CAPZA1: variants seen among roughly 807,000 people sequenced by gnomAD.
CAPZA1 encodes F-actin-capping protein subunit alpha-1.
A neutral mutation model predicts 40.8 loss-of-function variants in CAPZA1; 10 were observed. The ratio of observed to expected loss-of-function variants is 0.25; its 90% CI spans 0.15 to 0.42. CAPZA1 has a LOEUF of 0.42. Among genes scored for constraint, CAPZA1 ranks in the 10% least tolerant of loss-of-function variants. CAPZA1 has a pLI of 1.00. For missense variants in CAPZA1, 277 were observed against 353.8 expected (o/e 0.78, Z 1.74); for synonymous variants, 98 against 115.0 (o/e 0.85, Z 0.95).
rs60802838 is a variant in CAPZA1, at chr1:112,644,184, C to CTTTTTTTTTTT, written c.40-3012_40-3002dup. ...TTTTTTTCTAATTCTCTTCTCCCAG[C>CTTTTTTTTTTT]TTTTTTTTTTTTTTTTTTTTTTTTG... On this transcript the variant is annotated intron_variant, in intron 1 of 9. Transcript: ENST00000263168. Among the ~76,000 whole-genome samples the CTTTTTTTTTTT allele has an allele frequency of 7.0e-4, 40 of 56,782 alleles. 4 individuals carry two copies. Among genetic ancestry groups the CTTTTTTTTTTT allele is most frequent in the African/African-American group, 1.7e-3 (22 of 12,650 alleles). 37.3% of individuals were successfully genotyped at this position (56,782 alleles called of 152,430 possible).
intron 1 of CAPZA1, among the ~76,000 whole-genome samples, chr1:112,621,794 C>A (rs1343807469): frequency 7.4e-6 from 1 of 135,988 alleles, no homozygotes; most frequent in Non-Finnish European, 1.5e-5. Context: ...TGGAGTCTCG[C>A]TCTGTCACCC....
At chr1:112,642,742 C>T (rs996152342) in intron 1 of CAPZA1, among the ~76,000 whole-genome samples, 3 of 152,088 alleles carry the variant, frequency 2.0e-5, no homozygotes, top group Non-Finnish European at 2.9e-5. Flanking sequence ...CATCTTCTAT[C>T]GAAACAAACT....
Position 112,662,690 on chromosome 1 carries a change from G to A in CAPZA1, c.585+2911G>A, listed in dbSNP as rs201683286. On this transcript the variant is annotated intron_variant, in intron 7 of 9. Transcript: ENST00000263168. Reference sequence around the variant, plus strand: ...TGGGATTACAGGCGTGAGCCACTGCGCCTGGCCCTAGAATTTTTCATTGAG... The same window carrying A: ...TGGGATTACAGGCGTGAGCCACTGCACCTGGCCCTAGAATTTTTCATTGAG... Among the ~76,000 whole-genome samples, 100 of 151,084 alleles carry A rather than the reference G, an allele frequency of 6.6e-4. No homozygotes were observed. In the East Asian group the frequency reaches 0.014, roughly 21 times the overall value.
At chr1:112,638,747 C>T (rs1162408249) in intron 1 of CAPZA1, among the ~76,000 whole-genome samples, 1 of 151,430 alleles carries the variant, frequency 6.6e-6, no homozygotes, top group Admixed American at 6.6e-5. Context: ...CCAGCCTGGC[C>T]AACATGGTGA....
At chr1:112,626,516 C>G (rs1316688062) in intron 1 of CAPZA1, among the ~76,000 whole-genome samples, 1 of 151,960 alleles carries the variant, frequency 6.6e-6, no homozygotes, top group African/African-American at 2.4e-5. Flanking sequence ...CACCCAGTTT[C>G]CCTGACAAGT....
At chr1:112,653,717 T>C (rs1471706079) in intron 4 of CAPZA1, 56 bp downstream of exon 4, 26 of 1,195,274 alleles carry the variant, frequency 2.2e-5, no homozygotes, top group Non-Finnish European at 3.0e-5. Flanking sequence ...ATCCTATTAA[T>C]GGAAACCAAA....
chr1:112,636,299 A>G (rs777014078), intron 1 of CAPZA1, among the ~76,000 whole-genome samples: 16 of 152,222 alleles, frequency 1.1e-4, no homozygotes, highest in Non-Finnish European at 1.2e-4. Flanking sequence ...GAATCTTGCA[A>G]GGATTGGTTT....
chr1:112,664,218 G>A lies in CAPZA1; in HGVS notation c.586-2856G>A, dbSNP rs112450110. On this transcript the variant is annotated intron_variant, in intron 7 of 9. Transcript: ENST00000263168. ...TGTGCTCCAGCTTGGGCGACAGAGC[G>A]TGACACTGTCTCAAAAAAAAAAAAA... Among the ~76,000 whole-genome samples, 308 of 142,366 alleles carry A rather than the reference G, an allele frequency of 2.2e-3. 2 individuals are homozygous for A. Among genetic ancestry groups the A allele is most frequent in the African/African-American group, 6.9e-3 (259 of 37,418 alleles). 93.4% of individuals were successfully genotyped at this position (142,366 alleles called of 152,430 possible).
chr1:112,669,731 G>A, intron 9 of CAPZA1, 126 bp downstream of exon 9: 1 of 804,958 alleles, frequency 1.2e-6, no homozygotes, highest in Non-Finnish European at 2.0e-6. Flanking sequence ...AAATGTGGGA[G>A]ACTTTGCAGA....
At chr1:112,645,162 C>CT (rs763686991) in intron 1 of CAPZA1, among the ~76,000 whole-genome samples, 1 of 152,234 alleles carries the variant, frequency 6.6e-6, no homozygotes, top group Non-Finnish European at 1.5e-5. Flanking sequence ...CAAATCTACT[C>CT]TTTCCCTCCC....
intron 7 of CAPZA1, among the ~76,000 whole-genome samples, chr1:112,665,343 AT>A (rs1175446250): frequency 2.0e-5 from 3 of 151,176 alleles, no homozygotes; most frequent in African/African-American, 4.9e-5. Flanking sequence ...CACCTGGCTA[AT>A]TTTTTTTGTA....
chr1:112,653,557 CTTTT>C, intron 3 of CAPZA1, 37 bp from the exon 4 acceptor site: 6 of 817,124 alleles, frequency 7.3e-6, no homozygotes, highest in South Asian at 1.8e-5. Flanking sequence ...CTCTCTCCCT[CTTTT>C]TTTTTTTTTT....
intron 1 of CAPZA1, among the ~76,000 whole-genome samples, chr1:112,636,044 T>A (rs1048876058): frequency 6.6e-6 from 1 of 152,098 alleles, no homozygotes; most frequent in African/African-American, 2.4e-5. Flanking sequence ...AAATAAAAAA[T>A]AAAAGCTAGT....
chr1:112,666,904 T>C (rs1671733961), intron 7 of CAPZA1, 170 bp from the exon 8 acceptor site: 1 of 562,746 alleles, frequency 1.8e-6, no homozygotes, highest in East Asian at 3.0e-5. Flanking sequence ...AAGTGTTCTG[T>C]GGATTAATTA....
intron 1 of CAPZA1, among the ~76,000 whole-genome samples, chr1:112,628,977 T>C (rs1670868319): frequency 6.6e-6 from 1 of 152,226 alleles, no homozygotes; most frequent in Non-Finnish European, 1.5e-5. Context: ...CTATTTTTTA[T>C]GGTTTCCCTG....
At chr1:112,620,621 G>T (rs1220566606) in intron 1 of CAPZA1, 1 of 152,160 alleles carries the variant, frequency 6.6e-6, no homozygotes, top group Non-Finnish European at 1.5e-5. Context: ...CTCCAGAAAG[G>T]TTTTCTGTAA....
intron 1 of CAPZA1, among the ~76,000 whole-genome samples, chr1:112,642,097 T>TA (rs897340320): frequency 6.6e-6 from 1 of 152,072 alleles, no homozygotes; most frequent in Non-Finnish European, 1.5e-5. Flanking sequence ...CATGTTGTCT[T>TA]AGTTTGTGTA....
At position 112,654,659 on chromosome 1, in the gene CAPZA1, C is replaced by T. The variant is rs764697395; in HGVS notation, c.414C>T (p.Asn138=). 12 of 1,609,132 alleles carry T rather than the reference C, an allele frequency of 7.5e-6. No homozygotes were observed. Among genetic ancestry groups the T allele is most frequent in the East Asian group, 6.7e-5 (3 of 44,858 alleles). The part of the protein sequence containing the change: ...LRAYVKDHYS[N]GFCTVYAKTI... ...CCTATGTGAAAGACCATTATTCCAA[C>T]GGCTTCTGTACTGTTAAGTATCTGA... Residue 138 remains asparagine, a synonymous_variant, in exon 5 of 10, where the codon AAC becomes AAT. Transcript: ENST00000263168.
chr1:112,670,311 T>A lies in CAPZA1; in HGVS notation c.*179T>A. On this transcript the variant is annotated 3_prime_UTR_variant, in exon 10 of 10. Coordinates refer to ENST00000263168, the MANE Select transcript of CAPZA1 (RefSeq NM_006135.3). ...GCGTTGTCTTGATTCTTTTGTGTTC[T>A]CTGCCTTGTAATTTTCTGTTACTGC... The A allele has an allele frequency of 7.0e-6, 4 of 575,086 alleles. No individual in the cohort carries two copies. The South Asian group carries it at 1.0e-4, about 15-fold the overall frequency. The allele number at this position is 575,086 out of a possible 1,614,324, so 35.6% of individuals were successfully genotyped here.
Sources: gnomAD v4.1 joint callset for allele counts (sites outside exome capture counted in the v4.1 genomes callset) on GRCh38, gnomAD v4.1.1 for gene constraint, MANE v1.5 for transcripts, NCBI Gene and HGNC (gene_info 2026-07-23, HGNC 2026-07-21) for gene names.